Variants in SYCP2L observed in about 807,000 individuals in gnomAD.
SYCP2L encodes synaptonemal complex protein 2-like.
In SYCP2L, 98 loss-of-function variants were observed where a neutral mutation model predicts 125.8. The ratio of observed to expected loss-of-function variants is 0.78; its 90% CI spans 0.66 to 0.92. The LOEUF is 0.92. Among genes scored for constraint, SYCP2L ranks in the 40% least tolerant of loss-of-function variants. SYCP2L has a pLI of 0.00. For missense variants in SYCP2L, 842 were observed against 936.4 expected, an observed-to-expected ratio of 0.90 and a Z score of 1.32; for synonymous variants, 317 against 325.4, an observed-to-expected ratio of 0.97 and a Z score of 0.28.
At chr6:10,904,853 C>T (rs1044227929) in intron 8 of SYCP2L, among the ~76,000 whole-genome samples, 10 of 151,896 alleles carry the variant, frequency 6.6e-5, no homozygotes, top group African/African-American at 1.7e-4. Context: ...AAGATCGACT[C>T]GGCCGGGCAT....
intron 2 of SYCP2L, 99 bp downstream of exon 2, chr6:10,891,680 T>G: frequency 1.3e-6 from 1 of 778,642 alleles, no homozygotes. Context: ...TATATGAGTG[T>G]ATGTATTCTT....
rs1780289705 is a variant in SYCP2L at position 10,898,057 on chromosome 6, G to A, written c.383G>A (p.Gly128Asp). The A allele has an allele frequency of 6.2e-7, 1 of 1,614,138 alleles. No homozygotes were observed. Among genetic ancestry groups the A allele is most frequent in the Non-Finnish European group, 8.5e-7 (1 of 1,179,990 alleles). ...ERTTGILTSE[G>D]LASDTSLICV... The stretch of plus-strand genomic sequence containing the variant: ...ACAACAGGAATTCTGACCTCGGAAG[G>A]CCTAGCCTCAGACACGTCGCTGATT... The change falls in exon 5 of 30, where the codon GGC becomes GAC. Residue 128 changes from glycine (G) to aspartate (D), a missense_variant. Coordinates refer to ENST00000283141, the MANE Select transcript of SYCP2L (RefSeq NM_001040274.3).
intron 14 of SYCP2L, among the ~76,000 whole-genome samples, chr6:10,917,947 T>G (rs984093983): frequency 2.6e-5 from 4 of 152,074 alleles, no homozygotes; most frequent in African/African-American, 9.7e-5. Context: ...GATAATTGTT[T>G]TGTTTGAGGA....
intron 29 of SYCP2L, among the ~76,000 whole-genome samples, chr6:10,966,659 A>G (rs1354827528): frequency 6.6e-6 from 1 of 152,230 alleles, no homozygotes; most frequent in Non-Finnish European, 1.5e-5. Context: ...ACAAATTAGA[A>G]AAAAGAGTAC....
chr6:10,932,556 G>T (rs1781014451), intron 20 of SYCP2L, among the ~76,000 whole-genome samples: 1 of 152,134 alleles, frequency 6.6e-6, no homozygotes, highest in Admixed American at 6.6e-5. Context: ...CCTGGAGTGT[G>T]TTGCCCTCTG....
chr6:10,901,424 G>A (rs1026609091), intron 6 of SYCP2L, among the ~76,000 whole-genome samples: 12 of 152,108 alleles, frequency 7.9e-5, no homozygotes, highest in African/African-American at 2.9e-4. Flanking sequence ...GGTTGAAAGC[G>A]TGTTTATTTT....
intron 2 of SYCP2L, among the ~76,000 whole-genome samples, chr6:10,893,120 CT>C (rs1561678457): frequency 7.6e-6 from 1 of 130,838 alleles, no homozygotes; most frequent in Non-Finnish European, 1.8e-5. Context: ...ATTCTCCTGC[CT>C]CAGCCTTCCA....
intron 28 of SYCP2L, among the ~76,000 whole-genome samples, 198 bp from the exon 29 acceptor site, chr6:10,963,584 C>T (rs983982852): frequency 6.6e-6 from 1 of 152,110 alleles, no homozygotes; most frequent in Non-Finnish European, 1.5e-5. Flanking sequence ...GTCTGTGGTA[C>T]TGACAGAGAG....
intron 21 of SYCP2L, among the ~76,000 whole-genome samples, chr6:10,940,491 T>G (rs1267515222): frequency 6.6e-6 from 1 of 152,124 alleles, no homozygotes. Flanking sequence ...GGAATACTAT[T>G]CAGCCTCAAA....
intron 9 of SYCP2L, among the ~76,000 whole-genome samples, chr6:10,906,585 T>C (rs936735551): frequency 6.6e-6 from 1 of 151,380 alleles, no homozygotes; most frequent in Non-Finnish European, 1.5e-5. Flanking sequence ...TTTGGGATTT[T>C]ATTTTGTAGT....
intron 2 of SYCP2L, 78 bp downstream of exon 2, chr6:10,891,659 G>GTATA: frequency 1.0e-5 from 7 of 690,126 alleles, no homozygotes; most frequent in South Asian, 7.8e-5. Context: ...GTGTGTGTGT[G>GTATA]TGTGTATGTG....
chr6:10,907,393 C>A, intron 9 of SYCP2L, 149 bp from the exon 10 acceptor site: 2 of 571,700 alleles, frequency 3.5e-6, no homozygotes, highest in Non-Finnish European at 5.9e-6. Context: ...CTAATTACTC[C>A]AGGATGCATT....
intron 20 of SYCP2L, among the ~76,000 whole-genome samples, chr6:10,932,817 G>C (rs1781020840): frequency 6.6e-6 from 1 of 152,098 alleles, no homozygotes. Context: ...GCAGTAGTGC[G>C]ATCTCAGCTC....
At chr6:10,889,347 A>G (rs549816898) in intron 1 of SYCP2L, among the ~76,000 whole-genome samples, 34 of 152,372 alleles carry the variant, frequency 2.2e-4, no homozygotes, top group African/African-American at 7.7e-4. Context: ...CCATATGTGT[A>G]TACAGTGTGT....
chr6:10,941,941 T>C (rs1051183621), intron 21 of SYCP2L, among the ~76,000 whole-genome samples: 1 of 152,094 alleles, frequency 6.6e-6, no homozygotes, highest in Non-Finnish European at 1.5e-5. Flanking sequence ...TAAGAAAATG[T>C]GGCACATATA....
chr6:10,924,300 G>A (rs1321189875), intron 14 of SYCP2L, among the ~76,000 whole-genome samples, 196 bp from the exon 15 acceptor site: 1 of 152,166 alleles, frequency 6.6e-6, no homozygotes, highest in Non-Finnish European at 1.5e-5. Flanking sequence ...TAATTGTGTT[G>A]TATGTGTATA....
At chr6:10,931,406 G>A (rs376044525) in intron 19 of SYCP2L, 34 bp from the exon 20 acceptor site, 757 of 1,611,718 alleles carry the variant, frequency 4.7e-4, no homozygotes, top group Non-Finnish European at 5.9e-4. Context: ...ATGAGTTAAT[G>A]TATATGTTGT....
At chr6:10,921,235 A>G (rs1023493859) in intron 14 of SYCP2L, among the ~76,000 whole-genome samples, 1 of 152,150 alleles carries the variant, frequency 6.6e-6, no homozygotes, top group Non-Finnish European at 1.5e-5. Context: ...GCTGCATAGT[A>G]TTCCAAGGTG....
At chr6:10,969,421 C>T (rs1465943455) in intron 29 of SYCP2L, among the ~76,000 whole-genome samples, 2 of 142,842 alleles carry the variant, frequency 1.4e-5, no homozygotes, top group East Asian at 2.1e-4. Context: ...AGTGCAGTGG[C>T]ATGATCTTGG....
Sources: gnomAD v4.1 joint callset for allele counts (sites outside exome capture counted in the v4.1 genomes callset) on GRCh38, gnomAD v4.1.1 for gene constraint, MANE v1.5 for transcripts, NCBI Gene and HGNC (gene_info 2026-07-23, HGNC 2026-07-21) for gene names.